CERK: variants seen among roughly 807,000 people sequenced by gnomAD.
CERK encodes acylsphingosine kinase.
CERK carries 39 observed loss-of-function variants against 63.4 expected under a neutral mutation model. The ratio of observed to expected loss-of-function variants is 0.61; its 90% confidence interval spans 0.48 to 0.80. The LOEUF is 0.80. Among genes scored for constraint, CERK ranks in the 30% least tolerant of loss-of-function variants. CERK has a pLI of 0.00. For missense variants in CERK, 670 were observed against 714.1 expected (o/e 0.94, Z 0.70); for synonymous variants, 302 against 280.0 (o/e 1.08, Z -0.78).
At chr22:46,702,459 A>G (rs376288713) in intron 6 of CERK, among the ~76,000 whole-genome samples, 15 of 152,028 alleles carry the variant, frequency 9.9e-5, no homozygotes, top group African/African-American at 3.6e-4. Context: ...GCCCTGGCTT[A>G]CTTTTGTATT....
At chr22:46,721,444 C>G (rs1379833368) in intron 1 of CERK, among the ~76,000 whole-genome samples, 1 of 151,936 alleles carries the variant, frequency 6.6e-6, no homozygotes, top group Non-Finnish European at 1.5e-5. Context: ...ACCCCCTCCC[C>G]CAAAAAGGAA....
intron 3 of CERK, among the ~76,000 whole-genome samples, chr22:46,713,542 A>C (rs968860699): frequency 7.9e-5 from 12 of 151,692 alleles, no homozygotes; most frequent in African/African-American, 2.4e-4. Flanking sequence ...AACAAACAAA[A>C]AAACACAGAC....
At position 46,720,200 on chromosome 22, in the gene CERK, C is replaced by T. The variant is rs200298253; in HGVS notation, c.265G>A (p.Val89Ile). 6.2e-7 allele frequency: 1 copy of T among 1,613,476 alleles called. No individual in the cohort carries two copies. The highest frequency in any genetic ancestry group is 8.5e-7 in the Non-Finnish European group (1 of 1,179,760). Residue 89 changes from valine (V) to isoleucine (I), a missense_variant, in exon 3 of 13, where the codon GTA becomes ATA. Coordinates refer to ENST00000216264, the MANE Select transcript of CERK (RefSeq NM_022766.6). ...EKPYAFTVHC[V>I]KRARRHRWKW... The stretch of plus-strand genomic sequence containing the variant: ...CAGCGGTGCCGTCGTGCTCTCTTTA[C>T]ACAGTGAACTGCACAGAAGCAAGCA...
intron 10 of CERK, 27 bp from the exon 11 acceptor site, chr22:46,691,804 T>G: frequency 1.3e-6 from 2 of 1,590,828 alleles, no homozygotes; most frequent in Non-Finnish European, 1.7e-6. Context: ...CACGGAGATG[T>G]CACAGTTACA....
At chr22:46,699,572 A>G (rs1254420036) in intron 7 of CERK, 107 bp from the exon 8 acceptor site, 2 of 1,032,374 alleles carry the variant, frequency 1.9e-6, no homozygotes, top group Non-Finnish European at 2.9e-6. Context: ...ACTTTTAAAA[A>G]GTGTGAAACA....
At chr22:46,696,526 T>G (rs139708230) in intron 8 of CERK, among the ~76,000 whole-genome samples, 7 of 152,282 alleles carry the variant, frequency 4.6e-5, no homozygotes, top group African/African-American at 1.7e-4. Flanking sequence ...CACCGACATC[T>G]GATGTCCCGG....
At chr22:46,711,260 T>C (rs1376054256) in intron 4 of CERK, 111 bp from the exon 5 acceptor site, 2 of 788,296 alleles carry the variant, frequency 2.5e-6, no homozygotes, top group South Asian at 1.5e-5. Context: ...TTCAGGCGGA[T>C]TTCCTAGATA....
intron 1 of CERK, among the ~76,000 whole-genome samples, chr22:46,733,614 T>C (rs1482859903): frequency 6.6e-6 from 1 of 152,094 alleles, no homozygotes; most frequent in Non-Finnish European, 1.5e-5. Flanking sequence ...TTTTTAAATT[T>C]ATGATATCTT....
chr22:46,720,328 C>G, intron 2 of CERK, 120 bp from the exon 3 acceptor site: 2 of 1,124,984 alleles, frequency 1.8e-6, no homozygotes, highest in Non-Finnish European at 2.5e-6. Flanking sequence ...CCCAGGGGTT[C>G]TCCTCCCTTC....
intron 5 of CERK, among the ~76,000 whole-genome samples, chr22:46,710,294 C>T (rs1056880576): frequency 3.3e-5 from 5 of 151,972 alleles, no homozygotes; most frequent in East Asian, 1.9e-4. Context: ...ATTAGCTGGG[C>T]GTGGTGTTGG....
In CERK at chr22:46,686,893, A is replaced by G. The variant is rs1015012530; in HGVS notation, c.*241T>C. ...AAAACCTAAGAGGCCAGTGCCCCCAAGTGAGCAGCTGCATCCGCTGAGAGT... is the reference window on the plus strand; with the variant it reads ...AAAACCTAAGAGGCCAGTGCCCCCAGGTGAGCAGCTGCATCCGCTGAGAGT... On this transcript the variant is annotated 3_prime_UTR_variant, in exon 13 of 13. Coordinates refer to ENST00000216264, the MANE Select transcript of CERK (RefSeq NM_022766.6). The G allele has an allele frequency of 5.6e-5, 28 of 497,432 alleles. No individual in the cohort carries two copies. In the East Asian group the frequency reaches 6.7e-4, roughly 12 times the overall value. 30.8% of individuals were successfully genotyped at this position (497,432 alleles called of 1,614,324 possible). A position where few individuals can be genotyped will look rare whatever the true frequency, so the allele number is the denominator to read the frequency against.
intron 1 of CERK, among the ~76,000 whole-genome samples, chr22:46,727,820 CTGG>C (rs1456081312): frequency 7.9e-6 from 1 of 126,286 alleles, no homozygotes; most frequent in African/African-American, 2.6e-5. Flanking sequence ...CAACACTCCC[CTGG>C]CCCAGCCACC....
At chr22:46,709,980 G>A (rs1373949599) in intron 5 of CERK, among the ~76,000 whole-genome samples, 1 of 151,984 alleles carries the variant, frequency 6.6e-6, no homozygotes, top group Non-Finnish European at 1.5e-5. Flanking sequence ...AAAGAAAATG[G>A]GCCAAAGACA....
intron 9 of CERK, 95 bp downstream of exon 9, chr22:46,695,115 A>G: frequency 1.4e-6 from 1 of 718,266 alleles, no homozygotes; most frequent in Admixed American, 2.4e-5. Flanking sequence ...GGCACCTTCC[A>G]CCACATTTGG....
intron 1 of CERK, among the ~76,000 whole-genome samples, chr22:46,733,152 G>A (rs1601733280): frequency 7.1e-6 from 1 of 140,232 alleles, no homozygotes; most frequent in South Asian, 2.4e-4. Context: ...AGCTTGCAGT[G>A]AGCTGAGATC....
chr22:46,733,407 C>T (rs2082956157), intron 1 of CERK, among the ~76,000 whole-genome samples: 1 of 151,084 alleles, frequency 6.6e-6, no homozygotes, highest in African/African-American at 2.4e-5. Flanking sequence ...GATTCTCGTG[C>T]CTCAGCCTCC....
At chr22:46,701,763 T>A (rs1451708175) in intron 6 of CERK, 53 bp from the exon 7 acceptor site, 1 of 1,371,488 alleles carries the variant, frequency 7.3e-7, no homozygotes, top group East Asian at 2.5e-5. Context: ...AGAATTGTAA[T>A]CGCCTCCCAA....
intron 1 of CERK, among the ~76,000 whole-genome samples, chr22:46,725,930 T>C (rs1301759900): frequency 2.0e-5 from 3 of 152,252 alleles, no homozygotes. Flanking sequence ...CTTGTTGTGA[T>C]CCACTAGAAT....
intron 12 of CERK, among the ~76,000 whole-genome samples, 191 bp from the exon 13 acceptor site, chr22:46,687,397 C>G (rs1569316903): frequency 6.6e-6 from 1 of 152,192 alleles, no homozygotes; most frequent in Non-Finnish European, 1.5e-5. Context: ...TCACCGTGGG[C>G]TGTAGGAGTC....
Sources: allele counts gnomAD v4.1 joint callset (sites outside exome capture counted in the v4.1 genomes callset), GRCh38; gene constraint gnomAD v4.1.1; transcripts MANE v1.5; gene names NCBI Gene and HGNC (gene_info 2026-07-23, HGNC 2026-07-21).